Variants in SNX29 observed in about 807,000 individuals in gnomAD.
The protein encoded by SNX29 is sorting nexin 29.
A neutral mutation model predicts 102.1 loss-of-function variants in SNX29; 78 were observed. The observed-to-expected ratio is 0.76, with a 90% CI of 0.64 to 0.92. The LOEUF (loss-of-function observed/expected upper bound fraction) is 0.92. Ranked by LOEUF, SNX29 falls within the 40% of genes least tolerant of loss-of-function variation. The pLI is 0.00. For missense variants in SNX29, 1,280 were observed against 1,061.7 expected (o/e 1.21, Z -2.86); for synonymous variants, 580 against 414.5 (o/e 1.40, Z -4.85).
chr16:12,131,640 A>C (rs915620100), intron 13 of SNX29, among the ~76,000 whole-genome samples: 2 of 152,216 alleles, frequency 1.3e-5, no homozygotes, highest in Admixed American at 1.3e-4. Context: ...CATTTTAGGA[A>C]AGATAAGCAG....
intron 11 of SNX29, among the ~76,000 whole-genome samples, chr16:12,099,911 C>A (rs1567205922): frequency 6.6e-6 from 1 of 152,118 alleles, no homozygotes; most frequent in Non-Finnish European, 1.5e-5. Flanking sequence ...GCATGATGAA[C>A]CCGGGATGAT....
At chr16:12,556,739 A>C (rs149711811) in intron 20 of SNX29, among the ~76,000 whole-genome samples, 1 of 152,192 alleles carries the variant, frequency 6.6e-6, no homozygotes, top group East Asian at 1.9e-4. Flanking sequence ...GAATGTGAAT[A>C]AAGAAAAATT....
rs996258115 is a variant in SNX29 at position 12,568,976 on chromosome 16, A to G, written c.*347A>G. The G allele has an allele frequency of 2.3e-5, 8 of 350,686 alleles. No individual in the cohort carries two copies. The highest frequency in any genetic ancestry group is 3.6e-5 in the Non-Finnish European group (7 of 192,318). 21.7% of individuals were successfully genotyped at this position (350,686 alleles called of 1,614,324 possible). On this transcript the variant is annotated 3_prime_UTR_variant, in exon 21 of 21. Transcript: ENST00000566228. The stretch of plus-strand genomic sequence containing the variant: ...GGTCAGGCTGGGTGCGCCATGGTTG[A>G]GAGGCAAAGGTGATCCCCTATATAG...
intron 20 of SNX29, among the ~76,000 whole-genome samples, chr16:12,552,456 G>T (rs2078040633): frequency 6.6e-6 from 1 of 152,126 alleles, no homozygotes. Context: ...AAATACCTCG[G>T]GTCCATCTCA....
rs1025611489 is a variant in SNX29 at position 12,425,549 on chromosome 16, A to T, written c.2037+22020A>T. On this transcript the variant is annotated intron_variant, in intron 18 of 20. Coordinates refer to ENST00000566228, the MANE Select transcript of SNX29 (RefSeq NM_032167.5). Reference sequence around the variant, plus strand: ...AGAGTTAAAAAAAAAAAAAAATAAAAAAAATAAAAAGAGGGAATAGAAAAC... The same window carrying T: ...AGAGTTAAAAAAAAAAAAAAATAAATAAAATAAAAAGAGGGAATAGAAAAC... Among the ~76,000 whole-genome samples, 16 of 137,470 alleles carry T rather than the reference A, an allele frequency of 1.2e-4. No individual in the cohort carries two copies. In the South Asian group the frequency reaches 2.2e-3, roughly 19 times the overall value. The allele number at this position is 137,470 out of a possible 152,430, so 90.2% of individuals were successfully genotyped here. A position where few individuals can be genotyped will look rare whatever the true frequency, so the allele number is the denominator to read the frequency against.
chr16:12,213,804 A>G (rs570184552), intron 14 of SNX29, among the ~76,000 whole-genome samples: 1 of 152,198 alleles, frequency 6.6e-6, no homozygotes, highest in Non-Finnish European at 1.5e-5. Context: ...CCCAGTACCC[A>G]GCTATGTGGC....
At chr16:12,261,894 G>A (rs1428907159) in intron 14 of SNX29, among the ~76,000 whole-genome samples, 4 of 147,096 alleles carry the variant, frequency 2.7e-5, no homozygotes, top group Non-Finnish European at 6.0e-5. Context: ...GCTCGGGTCT[G>A]TGCATGCGTC....
At chr16:12,517,626 A>C (rs1415878044) in intron 19 of SNX29, among the ~76,000 whole-genome samples, 1 of 152,190 alleles carries the variant, frequency 6.6e-6, no homozygotes, top group Non-Finnish European at 1.5e-5. Flanking sequence ...TGGGATCTCC[A>C]GGCGCTGTGA....
intron 15 of SNX29, among the ~76,000 whole-genome samples, chr16:12,344,138 T>C (rs1251500571): frequency 2.6e-5 from 4 of 152,168 alleles, no homozygotes; most frequent in East Asian, 1.9e-4. Flanking sequence ...TCTGCCAGAT[T>C]GGGAGGCCTC....
At chr16:12,480,141 T>A (rs1347983473) in intron 19 of SNX29, among the ~76,000 whole-genome samples, 1 of 152,190 alleles carries the variant, frequency 6.6e-6, no homozygotes, top group Non-Finnish European at 1.5e-5. Flanking sequence ...GCTGTGTTAG[T>A]TTCCTCTTAC....
intron 15 of SNX29, among the ~76,000 whole-genome samples, chr16:12,323,663 A>T (rs569798188): frequency 1.3e-5 from 2 of 152,170 alleles, no homozygotes; most frequent in African/African-American, 4.8e-5. Flanking sequence ...ACAGAAAACC[A>T]TCTTGGTTTC....
chr16:12,173,928 C>A (rs1377833699), intron 13 of SNX29, among the ~76,000 whole-genome samples: 2 of 152,174 alleles, frequency 1.3e-5, no homozygotes, highest in Non-Finnish European at 1.5e-5. Flanking sequence ...TACAAGTATG[C>A]CCCACCATGC....
chr16:12,486,732 G>T (rs1042805733), intron 19 of SNX29, among the ~76,000 whole-genome samples: 1 of 152,158 alleles, frequency 6.6e-6, no homozygotes, highest in South Asian at 2.1e-4. Context: ...CAGTGCCGTG[G>T]AGAGCAGGGG....
intron 9 of SNX29, among the ~76,000 whole-genome samples, chr16:12,067,551 A>T (rs575770900): frequency 6.6e-6 from 1 of 152,280 alleles, no homozygotes; most frequent in East Asian, 1.9e-4. Flanking sequence ...GCAGTGACGT[A>T]ATCTCAGCTC....
chr16:12,005,670 A>C (rs1003074408), intron 3 of SNX29, among the ~76,000 whole-genome samples: 13 of 152,288 alleles, frequency 8.5e-5, no homozygotes, highest in African/African-American at 2.6e-4. Context: ...TGTTGGGTTA[A>C]TGTATTCTTA....
chr16:12,526,899 C>A, intron 20 of SNX29: 2 of 393,570 alleles, frequency 5.1e-6, no homozygotes, highest in Non-Finnish European at 9.6e-6. Flanking sequence ...TGAATCTCAG[C>A]CATGCTGGTT....
At chr16:12,086,441 G>A (rs552469368) in intron 11 of SNX29, among the ~76,000 whole-genome samples, 70 of 151,820 alleles carry the variant, frequency 4.6e-4, no homozygotes, top group Non-Finnish European at 7.5e-4. Flanking sequence ...TGGAGGCAGG[G>A]TCTCTGTTGC....
chr16:12,504,745 A>G (rs1173056267), intron 19 of SNX29, among the ~76,000 whole-genome samples: 2 of 152,228 alleles, frequency 1.3e-5, no homozygotes, highest in Non-Finnish European at 2.9e-5. Context: ...TTTAGAAGTT[A>G]GACTTTGTCA....
intron 20 of SNX29, among the ~76,000 whole-genome samples, chr16:12,559,736 A>C (rs2078606621): frequency 6.6e-6 from 1 of 152,116 alleles, no homozygotes; most frequent in Non-Finnish European, 1.5e-5. Flanking sequence ...AATAGATGAA[A>C]TAGTGATGCC....
Sources: gnomAD v4.1 joint callset for allele counts (sites outside exome capture counted in the v4.1 genomes callset) on GRCh38, gnomAD v4.1.1 for gene constraint, MANE v1.5 for transcripts, NCBI Gene and HGNC (gene_info 2026-07-23, HGNC 2026-07-21) for gene names.